SLC18B1: variants seen among roughly 807,000 people sequenced by gnomAD.
SLC18B1 encodes the protein MFS-type transporter SLC18B1.
In SLC18B1, 62 loss-of-function variants were observed where a neutral mutation model predicts 53.9. The ratio of observed to expected loss-of-function variants is 1.15; its 90% CI spans 0.94 to 1.42. SLC18B1 has a LOEUF of 1.42. Among genes scored for constraint, SLC18B1 ranks in the 40% most tolerant of loss-of-function variants. SLC18B1 has a pLI of 0.00. For synonymous variants in SLC18B1, 217 were observed against 200.9 expected (o/e 1.08, Z -0.68); for missense variants, 598 against 547.3 (o/e 1.09, Z -0.93).
intron 5 of SLC18B1, among the ~76,000 whole-genome samples, chr6:132,784,990 G>C (rs1781332251): frequency 6.6e-6 from 1 of 150,614 alleles, no homozygotes; most frequent in Admixed American, 6.6e-5. Context: ...ATATGGTATT[G>C]CTACCATTTG....
chr6:132,788,563 G>C (rs1169993017), intron 4 of SLC18B1, among the ~76,000 whole-genome samples: 1 of 152,120 alleles, frequency 6.6e-6, no homozygotes, highest in Non-Finnish European at 1.5e-5. Context: ...GCTCACGCCT[G>C]TAATTCTAGC....
At chr6:132,793,445 G>A (rs1245464523) in intron 2 of SLC18B1, among the ~76,000 whole-genome samples, 2 of 152,120 alleles carry the variant, frequency 1.3e-5, no homozygotes, top group East Asian at 1.9e-4. Flanking sequence ...TCTGCGAGGC[G>A]AGACAAAAGT....
chr6:132,789,880 G>C (rs111612831), intron 3 of SLC18B1, 43 bp from the exon 4 acceptor site: 1 of 1,378,320 alleles, frequency 7.3e-7, no homozygotes, highest in African/African-American at 1.4e-5. Context: ...TATGACTTCC[G>C]AAAGTCTATA....
At chr6:132,782,003 C>T (rs1384054913) in intron 6 of SLC18B1, among the ~76,000 whole-genome samples, 1 of 151,672 alleles carries the variant, frequency 6.6e-6, no homozygotes, top group African/African-American at 2.4e-5. Flanking sequence ...GACTGGCCAA[C>T]ATGGTGAAAC....
chr6:132,785,699 TAA>T (rs1412699834), intron 5 of SLC18B1, among the ~76,000 whole-genome samples: 1 of 152,072 alleles, frequency 6.6e-6, no homozygotes, highest in Non-Finnish European at 1.5e-5. Context: ...AGGAATTTAT[TAA>T]GTGGCACTTT....
At chr6:132,774,894 G>C (rs1562262795) in intron 8 of SLC18B1, among the ~76,000 whole-genome samples, 1 of 151,972 alleles carries the variant, frequency 6.6e-6, no homozygotes, top group African/African-American at 2.4e-5. Flanking sequence ...CTGGGCAACA[G>C]AGCAAGACTC....
In SLC18B1 at chr6:132,775,620, T is replaced by C. The variant is rs117757710; in HGVS notation, c.897+708A>G. On this transcript the variant is annotated intron_variant, in intron 8 of 13. Coordinates refer to ENST00000275227, the MANE Select transcript of SLC18B1 (RefSeq NM_052831.3). ...AAGTTTAAGATTTTACTAACAGTACTAATTCTGTACTCTGATCATCTGGAC... is the reference window on the plus strand; with the variant it reads ...AAGTTTAAGATTTTACTAACAGTACCAATTCTGTACTCTGATCATCTGGAC... 8.7e-3 allele frequency among the ~76,000 whole-genome samples: 1,330 copies of C among 152,344 alleles called. 6 individuals carry two copies. Among genetic ancestry groups the C allele is most frequent in the Middle Eastern group, 0.044 (13 of 294 alleles).
At chr6:132,788,681 A>C (rs1272827963) in intron 4 of SLC18B1, among the ~76,000 whole-genome samples, 4 of 151,980 alleles carry the variant, frequency 2.6e-5, no homozygotes, top group Non-Finnish European at 5.9e-5. Flanking sequence ...AAATTAGCTA[A>C]GCATGGTGGT....
In SLC18B1 at chr6:132,776,378, A is replaced by C; in HGVS notation, c.847T>G (p.Ser283Ala). 1 of 1,613,772 alleles carries C rather than the reference A, an allele frequency of 6.2e-7. No homozygotes were observed. Among genetic ancestry groups the C allele is most frequent in the Non-Finnish European group, 8.5e-7 (1 of 1,179,812 alleles). The change falls in exon 8 of 14, where the codon TCC becomes GCC. Residue 283 changes from serine (S) to alanine (A), a missense_variant. Physicochemically the swap from Ser to Ala is moderately conservative, Grantham distance 99 (BLOSUM62 1). Coordinates refer to ENST00000275227, the MANE Select transcript of SLC18B1 (RefSeq NM_052831.3). The part of the protein sequence containing the change: ...VGLVFLGMAL[S>A]YAISSPLFGL... ...AATAGTGGTGAAGAGATGGCATAGG[A>C]CAGTGCCATACCCAGGAATACTAGT...
intron 11 of SLC18B1, 81 bp from the exon 12 acceptor site, chr6:132,771,210 T>C: frequency 2.4e-6 from 3 of 1,249,024 alleles, no homozygotes; most frequent in Middle Eastern, 1.9e-4. Context: ...GATCCTTCAA[T>C]TGTAAGTCTT....
In SLC18B1 at chr6:132,770,930, T is replaced by C. The variant is rs778038726; in HGVS notation, c.1264A>G (p.Met422Val). The C allele has an allele frequency of 2.5e-6, 4 of 1,612,452 alleles. No homozygotes were observed. The highest frequency in any genetic ancestry group is 2.5e-6 in the Non-Finnish European group (3 of 1,179,618). Reference protein sequence around the residue: ...GLWALISGLAMGLFYLLEYSR... With the variant: ...GLWALISGLAVGLFYLLEYSR... ...TACTCCAGTAGATAAAACAAGCCCATGGCTAATCCCTTAAACACAATTAAA... is the reference window on the plus strand; with the variant it reads ...TACTCCAGTAGATAAAACAAGCCCACGGCTAATCCCTTAAACACAATTAAA... Residue 422 changes from methionine to valine, a missense_variant, in exon 13 of 14, where the codon ATG becomes GTG. Coordinates refer to ENST00000275227, the MANE Select transcript of SLC18B1 (RefSeq NM_052831.3).
At chr6:132,773,620 C>T (rs966109049) in intron 9 of SLC18B1, among the ~76,000 whole-genome samples, 1 of 152,168 alleles carries the variant, frequency 6.6e-6, no homozygotes, top group African/African-American at 2.4e-5. Context: ...AAAACCGAGG[C>T]TCTTGGAAGT....
chr6:132,792,355 G>GGAA (rs58213762), intron 2 of SLC18B1, among the ~76,000 whole-genome samples: 32 of 102,988 alleles, frequency 3.1e-4, no homozygotes, highest in Admixed American at 6.6e-4. Context: ...AAGGAAGGAA[G>GGAA]GGAAAGAAAG....
Position 132,780,114 on chromosome 6 carries a change from A to G in SLC18B1, c.659-710T>C, listed in dbSNP as rs536128003. 6.6e-5 allele frequency among the ~76,000 whole-genome samples: 10 copies of G among 151,108 alleles called. No individual in the cohort carries two copies. The South Asian group carries it at 1.9e-3, about 28-fold the overall frequency. Reference sequence around the variant, plus strand: ...AGCTTTTTTTTCTTTTTTTTTTTTAAGAGATGGAGTGTCTTGCTCTGTTAC... The same window carrying G: ...AGCTTTTTTTTCTTTTTTTTTTTTAGGAGATGGAGTGTCTTGCTCTGTTAC... On this transcript the variant is annotated intron_variant, in intron 6 of 13. Transcript: ENST00000275227.
At chr6:132,790,415 G>A (rs1019688773) in intron 2 of SLC18B1, 143 bp from the exon 3 acceptor site, 1 of 533,886 alleles carries the variant, frequency 1.9e-6, no homozygotes, top group Non-Finnish European at 3.2e-6. Context: ...TAAAATAAAT[G>A]GGGTGGGGAA....
chr6:132,782,581 G>C (rs1238091639), intron 6 of SLC18B1, among the ~76,000 whole-genome samples: 1 of 151,912 alleles, frequency 6.6e-6, no homozygotes, highest in Non-Finnish European at 1.5e-5. Context: ...GAGCAGTACA[G>C]GAGAGGGGAC....
intron 13 of SLC18B1, among the ~76,000 whole-genome samples, chr6:132,770,599 G>A (rs1780944832): frequency 1.3e-5 from 2 of 152,114 alleles, no homozygotes; most frequent in Non-Finnish European, 2.9e-5. Flanking sequence ...AACTGGGCAT[G>A]GTGACCCATG....
In SLC18B1 at chr6:132,798,431, C is replaced by G; in HGVS notation, c.26G>C (p.Gly9Ala). The G allele has an allele frequency of 6.5e-7, 1 of 1,530,092 alleles. No individual in the cohort carries two copies. The highest frequency in any genetic ancestry group is 1.4e-5 in the African/African-American group (1 of 71,858). The allele number at this position is 1,530,092 out of a possible 1,614,324, so 94.8% of individuals were successfully genotyped here. Residue 9 changes from glycine to alanine, a missense_variant, in exon 1 of 14, where the codon GGA becomes GCA. By Grantham distance (60) the Gly-to-Ala change is moderately conservative. Transcript: ENST00000275227. MEALGDLE[G>A]PRAPGGDDPA... Reference sequence around the variant, plus strand: ...ATGGTCACCTCCTGGTGCGCGTGGTCCCTCCAGGTCACCCAGCGCCTCCAT... The same window carrying G: ...ATGGTCACCTCCTGGTGCGCGTGGTGCCTCCAGGTCACCCAGCGCCTCCAT...
chr6:132,779,337 G>T lies in SLC18B1; in HGVS notation c.726C>A (p.Phe242Leu). The change falls in exon 7 of 14, where the codon TTC (phenylalanine) becomes TTA (leucine). Residue 242 changes from phenylalanine to leucine, a missense_variant. Phe to Leu is a conservative substitution (Grantham distance 22, BLOSUM62 0). Coordinates refer to ENST00000275227, the MANE Select transcript of SLC18B1 (RefSeq NM_052831.3). ...AACACGAGCTGAGTGAGTTGATGACGAAGGCTATAAGGCCAACTTTGGGTA... is the reference window on the plus strand; with the variant it reads ...AACACGAGCTGAGTGAGTTGATGACTAAGGCTATAAGGCCAACTTTGGGTA... ...IALPKVGLIA[F>L]VINSLSSCFG... is the part of the protein sequence containing the mutation. 6.2e-7 allele frequency: 1 copy of T among 1,613,882 alleles called. No homozygotes were observed. Among genetic ancestry groups the T allele is most frequent in the South Asian group, 1.1e-5 (1 of 91,074 alleles).
Sources: gnomAD v4.1 joint callset for allele counts (sites outside exome capture counted in the v4.1 genomes callset) on GRCh38, gnomAD v4.1.1 for gene constraint, MANE v1.5 for transcripts, NCBI Gene and HGNC (gene_info 2026-07-23, HGNC 2026-07-21) for gene names.